The following ZNF75A variants were observed in gnomAD, a reference collection of about 807,000 sequenced individuals.
The protein encoded by ZNF75A is zinc finger protein 75A.
A neutral mutation model predicts 46.3 loss-of-function variants in ZNF75A; 36 were observed. The observed-to-expected ratio is 0.78, with a 90% CI of 0.60 to 1.03. ZNF75A has a LOEUF of 1.03. ZNF75A is among the 50% of genes least tolerant of loss of function. ZNF75A has a pLI of 0.00. For missense variants in ZNF75A, 595 were observed against 551.3 expected, an observed-to-expected ratio of 1.08 and a Z score of -0.79; for synonymous variants, 234 against 189.9, an observed-to-expected ratio of 1.23 and a Z score of -1.91.
At position 3,318,170 on chromosome 16, in the gene ZNF75A, G is replaced by C. The variant is rs1324097686; in HGVS notation, c.*301G>C. 9.0e-7 allele frequency: 1 copy of C among 1,108,640 alleles called. No individual in the cohort carries two copies. The highest frequency in any genetic ancestry group is 1.1e-6 in the Non-Finnish European group (1 of 909,162). The allele number at this position is 1,108,640 out of a possible 1,614,324, so 68.7% of individuals were successfully genotyped here. On this transcript the variant is annotated 3_prime_UTR_variant, in exon 7 of 7. Transcript: ENST00000669516. Reference sequence around the variant, plus strand: ...AAAGCAGTAACATGCATGTTTAATTGCATACCATTCTCTTCACAGTAGCAG... The same window carrying C: ...AAAGCAGTAACATGCATGTTTAATTCCATACCATTCTCTTCACAGTAGCAG...
At chr16:3,307,658 G>A (rs1156640558) in intron 1 of ZNF75A, 1 of 151,366 alleles carries the variant, frequency 6.6e-6, no homozygotes, top group African/African-American at 2.4e-5. Flanking sequence ...AGAACTACTG[G>A]TGTGCTCTAC....
At position 3,318,006 on chromosome 16, in the gene ZNF75A, A is replaced by G. The variant is rs1395803544; in HGVS notation, c.*137A>G. 2 of 1,424,518 alleles carry G rather than the reference A, an allele frequency of 1.4e-6. No homozygotes were observed. Among genetic ancestry groups the G allele is most frequent in the African/African-American group, 2.9e-5 (2 of 69,592 alleles). The allele number at this position is 1,424,518 out of a possible 1,614,324, so 88.2% of individuals were successfully genotyped here. A position where few individuals can be genotyped will look rare whatever the true frequency, so the allele number is the denominator to read the frequency against. On this transcript the variant is annotated 3_prime_UTR_variant, in exon 7 of 7. Transcript: ENST00000669516. ...TGGGATAAACATACATTTCACAGAA[A>G]ATAATCAAGACTTGCTCTGCAGCCA...
chr16:3,318,088 C>G lies in ZNF75A; in HGVS notation c.*219C>G, dbSNP rs1961364939. 1.5e-6 allele frequency: 2 copies of G among 1,315,446 alleles called. No individual in the cohort carries two copies. The highest frequency in any genetic ancestry group is 5.9e-5 in the East Asian group (2 of 34,180). 81.5% of individuals were successfully genotyped at this position (1,315,446 alleles called of 1,614,324 possible). On this transcript the variant is annotated 3_prime_UTR_variant, in exon 7 of 7. Coordinates refer to ENST00000669516, the MANE Select transcript of ZNF75A (RefSeq NM_001302109.2). ...CATTGTTGGCTTTGTATTGATCTCT[C>G]CAGTCATTTTTGAACACATCCAATA...
intron 5 of ZNF75A, chr16:3,315,853 G>C (rs987806544): frequency 6.6e-6 from 1 of 152,196 alleles, no homozygotes; most frequent in Non-Finnish European, 1.5e-5. Flanking sequence ...GACCCTCCAT[G>C]GTCTGGCTCC....
chr16:3,311,934 C>T lies in ZNF75A; in HGVS notation c.590C>T (p.Pro197Leu), dbSNP rs1960837535. 1 of 986,418 alleles carries T rather than the reference C, an allele frequency of 1.0e-6. No homozygotes were observed. Among genetic ancestry groups the T allele is most frequent in the African/African-American group, 1.7e-5 (1 of 57,236 alleles). 61.1% of individuals were successfully genotyped at this position (986,418 alleles called of 1,614,324 possible). The change falls in exon 3 of 7, where the codon CCT (proline) becomes CTT (leucine). Residue 197 changes from proline (P) to leucine (L), a missense_variant. By Grantham distance (98) the Pro-to-Leu change is moderately conservative. Transcript: ENST00000669516. ...AGGAATACTCATAAAGAGACTGAGCCTGTGTATGAGAGGGGTAAGGAGCTT... is the reference window on the plus strand; with the variant it reads ...AGGAATACTCATAAAGAGACTGAGCTTGTGTATGAGAGGGGTAAGGAGCTT... ...LSRNTHKETEPVYERAVPTQQ... is the reference protein window; with the variant it reads ...LSRNTHKETELVYERAVPTQQ...
In ZNF75A at chr16:3,317,768, C is replaced by T. The variant is rs144327211; in HGVS notation, c.1513C>T (p.Arg505Trp). 211 of 1,614,116 alleles carry T rather than the reference C, an allele frequency of 1.3e-4. 1 individual carries two copies. The highest frequency in any genetic ancestry group is 1.3e-3 in the South Asian group (115 of 91,066). Residue 505 changes from arginine to tryptophan, a missense_variant, in exon 7 of 7, where the codon CGG (arginine) becomes TGG (tryptophan). Physicochemically the swap from Arg to Trp is moderately radical, Grantham distance 101. Transcript: ENST00000669516. ...TCAGAACTCCCACCTTATTAAACAC[C>T]GGAGAACCCACACAGGTGAGCAGCC... is the stretch of plus-strand genomic sequence containing the variant. Reference protein sequence around the residue: ...FSQNSHLIKHRRTHTGEQPYT... With the variant: ...FSQNSHLIKHWRTHTGEQPYT...
At chr16:3,308,860 G>T (rs1259430943) in intron 2 of ZNF75A, 24 bp downstream of exon 2, 1 of 985,396 alleles carries the variant, frequency 1.0e-6, no homozygotes, top group Non-Finnish European at 1.2e-6. Context: ...TTCCTGACAT[G>T]TACAGTGAAA....
chr16:3,307,412 C>T (rs1307933435), intron 1 of ZNF75A: 1 of 152,176 alleles, frequency 6.6e-6, no homozygotes, highest in African/African-American at 2.4e-5. Flanking sequence ...GGAACTTACC[C>T]CCCTTGGAGA....
rs1961402902 is a variant in ZNF75A, at chr16:3,318,639, G to C, written c.*770G>C. 1.0e-6 allele frequency: 1 copy of C among 985,340 alleles called. No homozygotes were observed. The highest frequency in any genetic ancestry group is 4.7e-5 in the South Asian group (1 of 21,294). 61.0% of individuals were successfully genotyped at this position (985,340 alleles called of 1,614,324 possible). ...AAAAATTAGTACTTGCCCAAGGCCT[G>C]AAAGAGAATTAGTGGGAATTAAGAT... On this transcript the variant is annotated 3_prime_UTR_variant, in exon 7 of 7. Transcript: ENST00000669516.
chr16:3,322,379 A>G (rs1379845557), downstream of ZNF75A, among the ~76,000 whole-genome samples: 1 of 152,120 alleles, frequency 6.6e-6, no homozygotes, highest in Admixed American at 6.5e-5. Context: ...TCATGTATTA[A>G]TCCTCCACTG....
chr16:3,312,860 G>A (rs1192401713), intron 4 of ZNF75A, 92 bp downstream of exon 4: 27 of 1,179,722 alleles, frequency 2.3e-5, no homozygotes, highest in South Asian at 1.2e-4. Context: ...TGTTAGTCCC[G>A]GGTGTTCTCT....
chr16:3,310,592 C>A, intron 2 of ZNF75A: 1 of 852,608 alleles, frequency 1.2e-6, no homozygotes, highest in Non-Finnish European at 1.4e-6. Context: ...TACCACTGTA[C>A]CCCAGCCTGG....
chr16:3,315,704 C>T (rs1051348731), intron 5 of ZNF75A, among the ~76,000 whole-genome samples: 12 of 152,236 alleles, frequency 7.9e-5, no homozygotes, highest in African/African-American at 2.9e-4. Flanking sequence ...CTTGTCCTCC[C>T]ACAGTCTGTT....
At position 3,308,561 on chromosome 16, in the gene ZNF75A, A is replaced by G; in HGVS notation, c.133A>G (p.Lys45Glu). ...TCCTCAAATGGACTGTCTCGATCCT[A>G]AGAGCTCTTGCTGGCACTTCCGGAA... ...KSPQMDCLDP[K>E]SSCWHFRNFT... is the part of the protein sequence containing the mutation. Residue 45 changes from lysine to glutamate, a missense_variant, in exon 2 of 7, where the codon AAG becomes GAG. Lys to Glu is a moderately conservative substitution (Grantham distance 56). Coordinates refer to ENST00000669516, the MANE Select transcript of ZNF75A (RefSeq NM_001302109.2). 1 of 985,926 alleles carries G rather than the reference A, an allele frequency of 1.0e-6. No individual in the cohort carries two copies. Among genetic ancestry groups the G allele is most frequent in the Non-Finnish European group, 1.2e-6 (1 of 829,978 alleles). The allele number at this position is 985,926 out of a possible 1,614,324, so 61.1% of individuals were successfully genotyped here. A position where few individuals can be genotyped will look rare whatever the true frequency, so the allele number is the denominator to read the frequency against.
intron 1 of ZNF75A, chr16:3,307,918 A>G (rs1175264653): frequency 6.6e-6 from 1 of 152,154 alleles, no homozygotes; most frequent in African/African-American, 2.4e-5. Context: ...ACAGACTGGG[A>G]TGATCTGTTG....
rs1489278642 is a variant in ZNF75A, at chr16:3,317,018, T to C, written c.930T>C (p.Pro310=). Residue 310 remains proline (P), a synonymous_variant, in exon 6 of 7, where the codon CCT becomes CCC. Transcript: ENST00000669516. ...PEFKDSAGKS[P]TGLKLKNDTE... is the part of the protein sequence containing the mutation. The stretch of plus-strand genomic sequence containing the variant: ...TTAAGGATAGTGCCGGAAAATCTCC[T>C]ACAGGTAAATATACCATGGGAAGTG... 1.2e-6 allele frequency: 2 copies of C among 1,611,820 alleles called. No homozygotes were observed. Among genetic ancestry groups the C allele is most frequent in the Admixed American group, 1.7e-5 (1 of 59,950 alleles).
At chr16:3,312,826 C>G in intron 4 of ZNF75A, 58 bp downstream of exon 4, 1 of 1,191,304 alleles carries the variant, frequency 8.4e-7, no homozygotes, top group Non-Finnish European at 1.1e-6. Context: ...ATGATTAATA[C>G]TGTCCAGGAG....
intron 5 of ZNF75A, 24 bp downstream of exon 5, chr16:3,313,199 T>G: frequency 6.2e-7 from 1 of 1,610,702 alleles, no homozygotes; most frequent in Non-Finnish European, 8.5e-7. Context: ...CTTCCCTTTA[T>G]GTAGTTGAGT....
intron 1 of ZNF75A, chr16:3,306,874 C>G (rs1479310110): frequency 6.6e-6 from 1 of 152,086 alleles, no homozygotes; most frequent in Admixed American, 6.5e-5. Flanking sequence ...CTGGGTTTCA[C>G]TTACCCGCTG....
Sources: allele counts gnomAD v4.1 joint callset (sites outside exome capture counted in the v4.1 genomes callset), GRCh38; gene constraint gnomAD v4.1.1; transcripts MANE v1.5; gene names NCBI Gene and HGNC (gene_info 2026-07-23, HGNC 2026-07-21).